MBP: variants seen among roughly 807,000 people sequenced by gnomAD.
The protein encoded by MBP is myelin basic protein.
MBP carries 16 observed loss-of-function variants against 35.8 expected under a neutral mutation model. The ratio of observed to expected loss-of-function variants is 0.45; its 90% CI spans 0.30 to 0.68. The LOEUF is 0.68. MBP is among the 30% of genes least tolerant of loss of function. MBP has a pLI of 0.08. For synonymous variants in MBP, 143 were observed against 159.6 expected (o/e 0.90, Z 0.78); for missense variants, 380 against 404.7 (o/e 0.94, Z 0.52).
rs1262677990 is a variant in MBP, at chr18:76,979,658, C to G, written c.*769G>C. On this transcript the variant is annotated 3_prime_UTR_variant, in exon 9 of 9. Coordinates refer to ENST00000355994, the MANE Select transcript of MBP (RefSeq NM_001025101.2). ...GGGCAACGGTGACGTCCAGAGGCCA[C>G]CTGCTTGACATCTCCATCACCAAAT... 1 of 440,506 alleles carries G rather than the reference C, an allele frequency of 2.3e-6. No individual in the cohort carries two copies. The highest frequency in any genetic ancestry group is 3.8e-5 in the Admixed American group (1 of 26,246). 27.3% of individuals were successfully genotyped at this position (440,506 alleles called of 1,614,324 possible).
intron 8 of MBP, chr18:76,983,171 C>T (rs1442858631): frequency 6.6e-6 from 1 of 152,226 alleles, no homozygotes; most frequent in Non-Finnish European, 1.5e-5. Flanking sequence ...AACTCTGAGC[C>T]AGCACTCAGC....
chr18:77,098,091 C>G (rs1975837841), intron 2 of MBP, among the ~76,000 whole-genome samples: 1 of 150,342 alleles, frequency 6.7e-6, no homozygotes, highest in African/African-American at 2.4e-5. Context: ...CCCATCACTG[C>G]TCTGAGTGTG....
intron 3 of MBP, among the ~76,000 whole-genome samples, chr18:77,048,712 C>T (rs1237323958): frequency 1.3e-5 from 2 of 152,156 alleles, no homozygotes; most frequent in African/African-American, 4.8e-5. Flanking sequence ...GATCCTCCCA[C>T]CTTGGCCTCC....
At chr18:76,991,691 C>G (rs1969931782) in intron 4 of MBP, among the ~76,000 whole-genome samples, 1 of 152,182 alleles carries the variant, frequency 6.6e-6, no homozygotes, top group Non-Finnish European at 1.5e-5. Context: ...ACACCTCAGG[C>G]AGGAATGAAT....
At chr18:77,014,977 A>G (rs1034775657) in intron 4 of MBP, 12 of 984,832 alleles carry the variant, frequency 1.2e-5, no homozygotes, top group African/African-American at 1.7e-5. Context: ...TGGGTCCTTG[A>G]TAATTGGCCA....
intron 3 of MBP, among the ~76,000 whole-genome samples, chr18:77,056,603 C>T (rs1973732998): frequency 6.6e-6 from 1 of 152,206 alleles, no homozygotes; most frequent in Admixed American, 6.5e-5. Flanking sequence ...CATCCGATGT[C>T]CTCCAGGACT....
intron 2 of MBP, among the ~76,000 whole-genome samples, chr18:77,068,025 G>A (rs1484975261): frequency 6.6e-6 from 1 of 151,800 alleles, no homozygotes; most frequent in Non-Finnish European, 1.5e-5. Flanking sequence ...CCGTGTGTGT[G>A]TGTGTGTGTG....
At chr18:77,024,101 T>G (rs912087541) in intron 3 of MBP, among the ~76,000 whole-genome samples, 1 of 152,234 alleles carries the variant, frequency 6.6e-6, no homozygotes, top group African/African-American at 2.4e-5. Flanking sequence ...CTGCTTTTTA[T>G]ATACTTATTT....
intron 3 of MBP, among the ~76,000 whole-genome samples, chr18:77,038,667 G>T (rs1972867531): frequency 6.6e-6 from 1 of 152,218 alleles, no homozygotes; most frequent in Non-Finnish European, 1.5e-5. Context: ...ATATGCATAT[G>T]CATGTCTGTG....
At position 77,131,194 on chromosome 18, in the gene MBP, A is replaced by G. The variant is rs1977258716; in HGVS notation, c.-26+1386T>C. On this transcript the variant is annotated intron_variant, in intron 1 of 8. Transcript: ENST00000355994. This position sits in a 1 kb window ranked among gnomAD's most constrained non-coding sequence, Gnocchi z 5.5. ...GCTGGGTTCCAGGCTCTCAGCCGTGACCACAGCCCCGGCCCCAACCGCTAA... is the reference window on the plus strand; with the variant it reads ...GCTGGGTTCCAGGCTCTCAGCCGTGGCCACAGCCCCGGCCCCAACCGCTAA... Among the ~76,000 whole-genome samples, 1 of 151,810 alleles carries G rather than the reference A, an allele frequency of 6.6e-6. No individual in the cohort carries two copies. Among genetic ancestry groups the G allele is most frequent in the South Asian group, 2.1e-4 (1 of 4,810 alleles).
At chr18:77,015,564 C>A in intron 4 of MBP, 1 of 985,446 alleles carries the variant, frequency 1.0e-6, no homozygotes, top group South Asian at 4.7e-5. Flanking sequence ...GTATCTAAGA[C>A]ACACAAAATG....
intron 2 of MBP, among the ~76,000 whole-genome samples, chr18:77,075,264 T>A (rs1270662777): frequency 7.6e-4 from 116 of 152,238 alleles, no homozygotes; most frequent in Admixed American, 7.5e-3. Context: ...TTGAGCAAAA[T>A]GAGTGAATTT....
At chr18:77,060,977 C>T (rs561099552) in intron 3 of MBP, among the ~76,000 whole-genome samples, 11 of 152,220 alleles carry the variant, frequency 7.2e-5, no homozygotes, top group Admixed American at 6.5e-5. Context: ...GCCTCAGCAA[C>T]CAGCCGCTCA....
intron 3 of MBP, among the ~76,000 whole-genome samples, chr18:77,045,569 A>G (rs1973217913): frequency 6.6e-6 from 1 of 152,226 alleles, no homozygotes; most frequent in Non-Finnish European, 1.5e-5. Flanking sequence ...TGCACTGCCA[A>G]CACCGACTTC....
chr18:77,025,784 A>T lies in MBP; in HGVS notation c.140-8516T>A, dbSNP rs181800169. Reference sequence around the variant, plus strand: ...GCATCCGTGGAAATCACATCGCACAAGTAACTTCCATCAAAACCAGCACGT... The same window carrying T: ...GCATCCGTGGAAATCACATCGCACATGTAACTTCCATCAAAACCAGCACGT... On this transcript the variant is annotated intron_variant, in intron 3 of 8. Coordinates refer to ENST00000355994, the MANE Select transcript of MBP (RefSeq NM_001025101.2). Among the ~76,000 whole-genome samples the T allele has an allele frequency of 3.6e-3, 524 of 146,524 alleles. 1 individual carries two copies. The highest frequency in any genetic ancestry group is 6.0e-3 in the Non-Finnish European group (404 of 67,470).
intron 4 of MBP, chr18:77,013,290 T>G: frequency 1.0e-6 from 1 of 985,400 alleles, no homozygotes; most frequent in Non-Finnish European, 1.2e-6. Flanking sequence ...TTGAATTTGG[T>G]TCTGTGTGCA....
At chr18:77,063,450 G>A (rs2144784637) in intron 3 of MBP, among the ~76,000 whole-genome samples, 1 of 152,246 alleles carries the variant, frequency 6.6e-6, no homozygotes, top group South Asian at 2.1e-4. Flanking sequence ...CTTCCCCCTT[G>A]GTTTTGACTC....
chr18:77,009,931 C>T (rs774907736), intron 4 of MBP: 51 of 1,576,642 alleles, frequency 3.2e-5, no homozygotes, highest in East Asian at 4.6e-5. Context: ...GGGTACCTGC[C>T]GGGGGACACA....
chr18:77,010,943 C>T (rs1042860241), intron 4 of MBP, among the ~76,000 whole-genome samples: 1 of 152,102 alleles, frequency 6.6e-6, no homozygotes, highest in Non-Finnish European at 1.5e-5. Flanking sequence ...ATGAAATCAG[C>T]GTAATAGGTT....
Sources: allele counts gnomAD v4.1 joint callset (sites outside exome capture counted in the v4.1 genomes callset), GRCh38; gene constraint gnomAD v4.1.1; non-coding constraint Gnocchi (gnomAD v3.1); transcripts MANE v1.5; gene names NCBI Gene and HGNC (gene_info 2026-07-23, HGNC 2026-07-21).